Variants in DPP10 observed in about 807,000 individuals in gnomAD.
The protein encoded by DPP10 is dipeptidyl peptidase like 10, also known as inactive dipeptidyl peptidase 10.
Under a neutral mutation model 120.9 loss-of-function variants are expected in DPP10, and 33 were observed. That is an observed-to-expected ratio of 0.27 (90% CI 0.21 to 0.37). The LOEUF is 0.37. DPP10 is among the 10% of genes least tolerant of loss of function. DPP10 has a pLI of 1.00. For missense variants in DPP10, 816 were observed against 942.8 expected (o/e 0.87, Z 1.76); for synonymous variants, 337 against 326.1 (o/e 1.03, Z -0.36).
At chr2:115,272,370 A>G (rs1376709159) in intron 1 of DPP10, among the ~76,000 whole-genome samples, 2 of 152,236 alleles carry the variant, frequency 1.3e-5, no homozygotes, top group African/African-American at 2.4e-5. Flanking sequence ...GCTTGTAGAA[A>G]TTTACAAATG....
intron 1 of DPP10, among the ~76,000 whole-genome samples, chr2:115,164,229 C>T (rs545147348): frequency 6.6e-6 from 1 of 152,114 alleles, no homozygotes; most frequent in East Asian, 1.9e-4. Flanking sequence ...TCATATCTAG[C>T]ATATTTTTGT....
At chr2:114,970,874 A>G (rs934093001) in intron 1 of DPP10, among the ~76,000 whole-genome samples, 6 of 152,164 alleles carry the variant, frequency 3.9e-5, no homozygotes, top group Non-Finnish European at 8.8e-5. Flanking sequence ...TAGAGAGCAC[A>G]TGGAATATGC....
intron 3 of DPP10, among the ~76,000 whole-genome samples, chr2:115,431,973 C>G (rs1717054): frequency 6.6e-6 from 1 of 151,866 alleles, no homozygotes; most frequent in Non-Finnish European, 1.5e-5. Flanking sequence ...AGCTGCTTTC[C>G]AAGGGAAACG....
intron 1 of DPP10, among the ~76,000 whole-genome samples, chr2:115,089,433 T>G (rs1709056680): frequency 6.6e-6 from 1 of 152,236 alleles, no homozygotes; most frequent in Non-Finnish European, 1.5e-5. Flanking sequence ...ATATCCCTAA[T>G]GAGCACTCTG....
intron 1 of DPP10, among the ~76,000 whole-genome samples, chr2:115,277,912 T>C (rs1160374998): frequency 6.6e-6 from 1 of 152,214 alleles, no homozygotes; most frequent in African/African-American, 2.4e-5. Flanking sequence ...AAAATTAGAA[T>C]TGGCAGACAT....
intron 4 of DPP10, among the ~76,000 whole-genome samples, chr2:115,519,001 T>G (rs1353311937): frequency 6.6e-6 from 1 of 152,178 alleles, no homozygotes; most frequent in Non-Finnish European, 1.5e-5. Context: ...GAACTTCACA[T>G]AAATAATTTG....
At chr2:115,491,757 C>T (rs533644086) in intron 3 of DPP10, among the ~76,000 whole-genome samples, 77 of 152,128 alleles carry the variant, frequency 5.1e-4, no homozygotes, top group African/African-American at 1.4e-3. Flanking sequence ...ATTTAGGTGG[C>T]TTTTATTAGG....
At position 115,100,021 on chromosome 2, in the gene DPP10, GT is replaced by G. The variant is rs767211709; in HGVS notation, c.61-209216del. On this transcript the variant is annotated intron_variant, in intron 1 of 25. Coordinates refer to ENST00000410059, the MANE Select transcript of DPP10 (RefSeq NM_020868.6). ...AGTAGAAAAGGCAAATCTATTCTTG[GT>G]TATATGGATGATGCCACTCAAGATG... is the stretch of plus-strand genomic sequence containing the variant. Among the ~76,000 whole-genome samples the G allele has an allele frequency of 1.7e-4, 26 of 152,270 alleles. No individual in the cohort carries two copies. In the South Asian group the frequency reaches 3.7e-3, roughly 22 times the overall value.
intron 1 of DPP10, among the ~76,000 whole-genome samples, chr2:115,121,019 G>A (rs1194070007): frequency 2.0e-5 from 3 of 152,198 alleles, no homozygotes; most frequent in Non-Finnish European, 4.4e-5. Context: ...TCAAGGGATT[G>A]CTCAGTTAGA....
At chr2:114,993,564 ATG>A (rs67544881) in intron 1 of DPP10, among the ~76,000 whole-genome samples, 11,561 of 115,462 alleles carry the variant, frequency 0.1, 723 homozygotes, top group African/African-American at 0.14. Context: ...GATTCTTATT[ATG>A]TGTGTGTGTG....
chr2:115,639,028 G>T (rs1452423528), intron 5 of DPP10, among the ~76,000 whole-genome samples: 1 of 152,126 alleles, frequency 6.6e-6, no homozygotes, highest in Non-Finnish European at 1.5e-5. Context: ...TGTTGTCTTT[G>T]GTGGCCACTA....
intron 1 of DPP10, among the ~76,000 whole-genome samples, chr2:114,553,800 C>A (rs1333855094): frequency 6.6e-6 from 1 of 152,118 alleles, no homozygotes; most frequent in Non-Finnish European, 1.5e-5. Context: ...GTATTTCATG[C>A]TTTCAAAGCC....
chr2:114,505,020 C>G (rs1573514049), intron 1 of DPP10, among the ~76,000 whole-genome samples: 2 of 136,068 alleles, frequency 1.5e-5, no homozygotes, highest in East Asian at 4.3e-4. Flanking sequence ...CCACTGCACT[C>G]CAGCCTGGGC....
chr2:114,853,743 A>G (rs1226765897), intron 1 of DPP10, among the ~76,000 whole-genome samples: 1 of 152,168 alleles, frequency 6.6e-6, no homozygotes, highest in Non-Finnish European at 1.5e-5. Flanking sequence ...TAGTGGAGAA[A>G]GTTAGCTGCC....
chr2:115,521,601 C>T (rs2077813607), intron 4 of DPP10, among the ~76,000 whole-genome samples: 1 of 130,130 alleles, frequency 7.7e-6, no homozygotes, highest in Non-Finnish European at 1.6e-5. Context: ...CAAATCTAAT[C>T]CTTATTTTTT....
rs113891788 is a variant in DPP10, at chr2:115,407,673, GA to G, written c.271+63772del. Among the ~76,000 whole-genome samples, 81 of 147,012 alleles carry G rather than the reference GA, an allele frequency of 5.5e-4. 1 individual carries two copies. Among genetic ancestry groups the G allele is most frequent in the Middle Eastern group, 3.6e-3 (1 of 276 alleles). On this transcript the variant is annotated intron_variant, in intron 3 of 25. Coordinates refer to ENST00000410059, the MANE Select transcript of DPP10 (RefSeq NM_020868.6). ...GGAGAGGGAGGCTGAAAGCCCACTGGAAAAAAAAAAATACTTTTACCTTTTT... is the reference window on the plus strand; with the variant it reads ...GGAGAGGGAGGCTGAAAGCCCACTGGAAAAAAAAAATACTTTTACCTTTTT...
chr2:114,940,223 A>G (rs1175007297), intron 1 of DPP10, among the ~76,000 whole-genome samples: 1 of 152,162 alleles, frequency 6.6e-6, no homozygotes, highest in African/African-American at 2.4e-5. Flanking sequence ...GATCAAGCCT[A>G]TAACTGTAAC....
At chr2:115,155,070 T>A (rs11123285) in intron 1 of DPP10, among the ~76,000 whole-genome samples, 111,673 of 151,226 alleles carry the variant, frequency 0.74, 41,513 homozygotes, top group East Asian at 0.96. Flanking sequence ...TTTATTTATT[T>A]TTTTTTTTTG....
intron 5 of DPP10, among the ~76,000 whole-genome samples, chr2:115,653,393 A>G (rs956395692): frequency 1.1e-4 from 16 of 152,022 alleles, no homozygotes; most frequent in African/African-American, 3.1e-4. Context: ...ATTTCAATCC[A>G]TTCTCAGTAG....
Sources: allele counts gnomAD v4.1 joint callset (sites outside exome capture counted in the v4.1 genomes callset), GRCh38; gene constraint gnomAD v4.1.1; transcripts MANE v1.5; gene names NCBI Gene and HGNC (gene_info 2026-07-23, HGNC 2026-07-21).